Variants in ST3GAL1 observed in about 807,000 individuals in gnomAD.
ST3GAL1 encodes the protein ST3 beta-galactoside alpha-2,3-sialyltransferase 1.
In ST3GAL1, 16 loss-of-function variants were observed where a neutral mutation model predicts 34.1. The ratio of observed to expected loss-of-function variants is 0.47; its 90% CI spans 0.32 to 0.71. ST3GAL1 has a LOEUF of 0.71. Ranked by LOEUF, ST3GAL1 falls within the 30% of genes least tolerant of loss-of-function variation. The probability of loss-of-function intolerance (pLI) is 0.04; values close to 1 mark genes in which losing one functional copy is unlikely to be tolerated. For missense variants in ST3GAL1, 353 were observed against 447.4 expected (o/e 0.79, Z 1.90); for synonymous variants, 191 against 184.7 (o/e 1.03, Z -0.28).
rs71299080 is a variant in ST3GAL1 at position 133,562,853 on chromosome 8, T to TCTTTC, written c.-582+8839_-582+8840insGAAAG. ...TCCTTCCTTCCTTCCTTTCTTTCTT[T>TCTTTC]TTTTTTTTTTTTTTCCCACTGGGCC... On this transcript the variant is annotated intron_variant, in intron 1 of 9. Transcript: ENST00000522652. 4.8e-4 allele frequency among the ~76,000 whole-genome samples: 52 copies of TCTTTC among 107,448 alleles called. 1 individual carries two copies. The highest frequency in any genetic ancestry group is 1.7e-3 in the African/African-American group (48 of 28,048). 70.5% of individuals were successfully genotyped at this position (107,448 alleles called of 152,430 possible).
chr8:133,493,720 C>A (rs1398787700), intron 3 of ST3GAL1, among the ~76,000 whole-genome samples: 1 of 152,114 alleles, frequency 6.6e-6, no homozygotes, highest in Non-Finnish European at 1.5e-5. Context: ...GTGGCATGTG[C>A]CTGTAGTCCC....
At chr8:133,529,706 C>G (rs1460085338) in intron 2 of ST3GAL1, among the ~76,000 whole-genome samples, 1 of 152,080 alleles carries the variant, frequency 6.6e-6, no homozygotes, top group Non-Finnish European at 1.5e-5. Context: ...GTCTGGCCAC[C>G]CCCTTCTCAT....
At chr8:133,491,092 G>A (rs902389241) in intron 3 of ST3GAL1, among the ~76,000 whole-genome samples, 6 of 152,178 alleles carry the variant, frequency 3.9e-5, no homozygotes, top group African/African-American at 1.4e-4. Flanking sequence ...TTCTGCTGAA[G>A]CACAAATAGT....
At chr8:133,551,512 CAGAA>C (rs1162719099) in intron 1 of ST3GAL1, among the ~76,000 whole-genome samples, 175 of 113,748 alleles carry the variant, frequency 1.5e-3, no homozygotes, top group African/African-American at 5.7e-3. Flanking sequence ...GACAGAAAGA[CAGAA>C]AGAAAGAAAG....
chr8:133,526,739 G>A lies in ST3GAL1; in HGVS notation c.-429+19035C>T, dbSNP rs114190382. Among the ~76,000 whole-genome samples, 700 of 152,280 alleles carry A rather than the reference G, an allele frequency of 4.6e-3. 11 individuals carry two copies. The highest frequency in any genetic ancestry group is 0.016 in the African/African-American group (670 of 41,548). On this transcript the variant is annotated intron_variant, in intron 2 of 9. Coordinates refer to ENST00000522652, the MANE Select transcript of ST3GAL1 (RefSeq NM_173344.3). ...GACCTAGAATGTTGCACAAGGTGACGTCAGAGTGGTTGCTTAGAAGAGAGG... is the reference window on the plus strand; with the variant it reads ...GACCTAGAATGTTGCACAAGGTGACATCAGAGTGGTTGCTTAGAAGAGAGG...
intron 1 of ST3GAL1, among the ~76,000 whole-genome samples, chr8:133,559,982 C>T (rs571395770): frequency 6.6e-6 from 1 of 152,182 alleles, no homozygotes; most frequent in African/African-American, 2.4e-5. Context: ...CATGCAGGGA[C>T]GGATGTGGAG....
intron 3 of ST3GAL1, among the ~76,000 whole-genome samples, chr8:133,493,376 C>G (rs1816841480): frequency 6.6e-6 from 1 of 152,192 alleles, no homozygotes; most frequent in African/African-American, 2.4e-5. Context: ...GCAGAATGTG[C>G]CCAGCACTGG....
chr8:133,501,088 A>C (rs979093410), intron 2 of ST3GAL1, among the ~76,000 whole-genome samples: 5 of 152,124 alleles, frequency 3.3e-5, no homozygotes, highest in Non-Finnish European at 7.4e-5. Context: ...CTCTCTAATA[A>C]ACAAACAGCC....
intron 2 of ST3GAL1, among the ~76,000 whole-genome samples, chr8:133,530,292 T>TA (rs902341137): frequency 6.7e-6 from 1 of 150,016 alleles, no homozygotes; most frequent in South Asian, 2.1e-4. Flanking sequence ...TTTTATTTTT[T>TA]TTTTTTGAGA....
intron 1 of ST3GAL1, among the ~76,000 whole-genome samples, chr8:133,558,494 CA>C (rs1398198361): frequency 2.0e-5 from 3 of 152,204 alleles, no homozygotes; most frequent in African/African-American, 7.2e-5. Context: ...GAAGGTTGAA[CA>C]AGGTTACTGC....
At chr8:133,464,735 G>C (rs1035903016) in intron 7 of ST3GAL1, 43 bp downstream of exon 7, 60 of 1,571,962 alleles carry the variant, frequency 3.8e-5, no homozygotes, top group Non-Finnish European at 4.9e-5. Context: ...GGGTGCCACT[G>C]CAAGGGGCAG....
chr8:133,475,578 C>G (rs762783155), intron 5 of ST3GAL1, 141 bp downstream of exon 5: 331 of 1,014,032 alleles, frequency 3.3e-4, no homozygotes, highest in Non-Finnish European at 4.5e-4. Flanking sequence ...CTCTCATTAC[C>G]AGACCCCTAC....
chr8:133,461,936 T>G lies in ST3GAL1; in HGVS notation c.788A>C (p.His263Pro). 1 of 1,614,132 alleles carries G rather than the reference T, an allele frequency of 6.2e-7. No homozygotes were observed. The highest frequency in any genetic ancestry group is 8.5e-7 in the Non-Finnish European group (1 of 1,180,014). Residue 263 changes from histidine to proline, a missense_variant, in exon 9 of 10, where the codon CAC becomes CCC. Transcript: ENST00000522652. The surrounding 1 kb of genome is among the most constrained non-coding windows in gnomAD (Gnocchi z 4.7). ...KYVFDNWLQGHGRYPSTGILS... is the reference protein window; with the variant it reads ...KYVFDNWLQGPGRYPSTGILS... ...GATGCCGGTAGATGGGTATCGCCCG[T>G]GCCCTTGCAGCCAGTTGTCAAAGAC... is the stretch of plus-strand genomic sequence containing the variant.
At chr8:133,505,479 T>C (rs1817302785) in intron 2 of ST3GAL1, among the ~76,000 whole-genome samples, 1 of 152,248 alleles carries the variant, frequency 6.6e-6, no homozygotes, top group Non-Finnish European at 1.5e-5. Context: ...TCCAGGAAGC[T>C]GCTATCTTTT....
intron 3 of ST3GAL1, among the ~76,000 whole-genome samples, chr8:133,487,398 T>C (rs1381420930): frequency 6.6e-6 from 1 of 152,208 alleles, no homozygotes; most frequent in African/African-American, 2.4e-5. Flanking sequence ...AGGATCATCA[T>C]TCCTCTGAGA....
intron 1 of ST3GAL1, among the ~76,000 whole-genome samples, chr8:133,557,240 G>A (rs187375653): frequency 6.8e-4 from 104 of 152,274 alleles, no homozygotes; most frequent in African/African-American, 2.4e-3. Context: ...CTCACCGGGA[G>A]GTCTAAAGGA....
chr8:133,515,559 A>G (rs956907177), intron 2 of ST3GAL1: 2 of 152,180 alleles, frequency 1.3e-5, no homozygotes, highest in African/African-American at 4.8e-5. Context: ...CCTTTTCCAT[A>G]AAGTTTTTTC....
intron 1 of ST3GAL1, among the ~76,000 whole-genome samples, chr8:133,554,519 A>C (rs758800193): frequency 6.6e-6 from 1 of 152,066 alleles, no homozygotes. Context: ...AGGACTAAGG[A>C]TGTCAAGAAG....
Position 133,556,051 on chromosome 8 carries a change from G to A in ST3GAL1, c.-581-10125C>T, listed in dbSNP as rs572330910. Among the ~76,000 whole-genome samples, 34 of 150,916 alleles carry A rather than the reference G, an allele frequency of 2.3e-4. 1 individual carries two copies. The highest frequency in any genetic ancestry group is 4.3e-4 in the Non-Finnish European group (29 of 67,520). On this transcript the variant is annotated intron_variant, in intron 1 of 9. Transcript: ENST00000522652. This position sits in a 1 kb window ranked among gnomAD's most constrained non-coding sequence, Gnocchi z 8.9. ...TGGGATTACAGGCACCTGCCACCACGCCTGGCTGATTTTTTTTGTATTTTA... is the reference window on the plus strand; with the variant it reads ...TGGGATTACAGGCACCTGCCACCACACCTGGCTGATTTTTTTTGTATTTTA...
Sources: gnomAD v4.1 joint callset for allele counts (sites outside exome capture counted in the v4.1 genomes callset) on GRCh38, gnomAD v4.1.1 for gene constraint, Gnocchi (gnomAD v3.1) non-coding constraint, MANE v1.5 for transcripts, NCBI Gene and HGNC (gene_info 2026-07-23, HGNC 2026-07-21) for gene names.